HOMEZ: variants seen among roughly 807,000 people sequenced by gnomAD.
HOMEZ encodes homeobox and leucine zipper encoding.
Under a neutral mutation model 50.1 loss-of-function variants are expected in HOMEZ, and 20 were observed. The observed-to-expected ratio is 0.40, with a 90% CI of 0.28 to 0.58. The LOEUF is 0.58. Among genes scored for constraint, HOMEZ ranks in the 20% least tolerant of loss-of-function variants. The pLI is 0.46. For synonymous variants in HOMEZ, 239 were observed against 254.7 expected, an observed-to-expected ratio of 0.94 and a Z score of 0.59; for missense variants, 579 against 680.5, an observed-to-expected ratio of 0.85 and a Z score of 1.66.
chr14:23,272,646 A>G lies in HOMEZ; in HGVS notation c.*2929T>C, dbSNP rs954326958. The G allele has an allele frequency of 4.8e-6, 3 of 624,426 alleles. No individual in the cohort carries two copies. The highest frequency in any genetic ancestry group is 3.7e-5 in the African/African-American group (2 of 54,378). 38.7% of individuals were successfully genotyped at this position (624,426 alleles called of 1,614,324 possible). ...ACTGAAATGTTCCAGAGATTGTCAC[A>G]CTAGATGTAGCAAATCCTAGTTTGG... On this transcript the variant is annotated 3_prime_UTR_variant, in exon 2 of 2. Transcript: ENST00000357460.
At position 23,275,521 on chromosome 14, in the gene HOMEZ, T is replaced by C; in HGVS notation, c.*54A>G. The C allele has an allele frequency of 6.7e-7, 1 of 1,490,298 alleles. No individual in the cohort carries two copies. Among genetic ancestry groups the C allele is most frequent in the East Asian group, 2.5e-5 (1 of 40,480 alleles). 92.3% of individuals were successfully genotyped at this position (1,490,298 alleles called of 1,614,324 possible). A position where few individuals can be genotyped will look rare whatever the true frequency, so the allele number is the denominator to read the frequency against. On this transcript the variant is annotated 3_prime_UTR_variant, in exon 2 of 2. Coordinates refer to ENST00000357460, the MANE Select transcript of HOMEZ (RefSeq NM_020834.3). ...AAATGTGGTTTCTTTGTTTAAACAG[T>C]TACTAAGTTGGTTCATCTTTCAGTA... is the stretch of plus-strand genomic sequence containing the variant.
chr14:23,272,906 C>G lies in HOMEZ; in HGVS notation c.*2669G>C. On this transcript the variant is annotated 3_prime_UTR_variant, in exon 2 of 2. Transcript: ENST00000357460. ...CTTCTAGATAGATCATCTTCAAGAT[C>G]TGATCTATACATGCTGCTGAAGGAT... 1 of 1,454,432 alleles carries G rather than the reference C, an allele frequency of 6.9e-7. No individual in the cohort carries two copies. The highest frequency in any genetic ancestry group is 1.3e-5 in the South Asian group (1 of 79,134). 90.1% of individuals were successfully genotyped at this position (1,454,432 alleles called of 1,614,324 possible). A position where few individuals can be genotyped will look rare whatever the true frequency, so the allele number is the denominator to read the frequency against.
chr14:23,281,459 G>A (rs1312837650), intron 1 of HOMEZ, among the ~76,000 whole-genome samples: 2 of 152,132 alleles, frequency 1.3e-5, no homozygotes, highest in Non-Finnish European at 1.5e-5. Flanking sequence ...ACTTACATGA[G>A]CCTGGTTTCC....
Position 23,275,080 on chromosome 14 carries a change from G to A in HOMEZ, c.*495C>T, listed in dbSNP as rs1886311553. The A allele has an allele frequency of 6.5e-6, 1 of 154,046 alleles. No homozygotes were observed. The highest frequency in any genetic ancestry group is 6.5e-5 in the Admixed American group (1 of 15,318). 9.5% of individuals were successfully genotyped at this position (154,046 alleles called of 1,614,324 possible). ...ATCAGTTACTAAGAAAAAAGTAAGA[G>A]AGTCAGTTGCATTACGCACAGACTT... is the stretch of plus-strand genomic sequence containing the variant. On this transcript the variant is annotated 3_prime_UTR_variant, in exon 2 of 2. Transcript: ENST00000357460.
At position 23,276,486 on chromosome 14, in the gene HOMEZ, A is replaced by G. The variant is rs752343625; in HGVS notation, c.742T>C (p.Trp248Arg). 6.2e-7 allele frequency: 1 copy of G among 1,614,026 alleles called. No homozygotes were observed. Among genetic ancestry groups the G allele is most frequent in the East Asian group, 2.2e-5 (1 of 44,886 alleles). Residue 248 changes from tryptophan (W) to arginine (R), a missense_variant, in exon 2 of 2, where the codon TGG becomes CGG. Trp to Arg is a moderately radical substitution (Grantham distance 101). Transcript: ENST00000357460. This position sits in a 1 kb window ranked among gnomAD's most constrained non-coding sequence, Gnocchi z 4.1. ...NQSHGIGTAS[W>R]NHSTTVPQPQ... ...TGGGGGACGGTTGTGGAGTGGTTCC[A>G]GGAAGCAGTACCTATGCCATGTGAC... is the stretch of plus-strand genomic sequence containing the variant.
intron 1 of HOMEZ, among the ~76,000 whole-genome samples, chr14:23,281,799 A>AAAT (rs55828215): frequency 0.46 from 63,520 of 137,138 alleles, 15,768 homozygotes; most frequent in African/African-American, 0.66. Flanking sequence ...CTGTCTCTAC[A>AAAT]AATAATAATA....
intron 1 of HOMEZ, among the ~76,000 whole-genome samples, chr14:23,283,440 C>T (rs2095169533): frequency 6.6e-6 from 1 of 152,160 alleles, no homozygotes. Flanking sequence ...CAGTATAACA[C>T]CCTTCTTTCC....
chr14:23,277,757 A>C (rs1473147818), intron 1 of HOMEZ, among the ~76,000 whole-genome samples: 2 of 126,500 alleles, frequency 1.6e-5, no homozygotes, highest in African/African-American at 2.8e-5. Context: ...AAAAAAAAAA[A>C]TCTGTCTTTA....
At chr14:23,279,373 C>A (rs1886438369) in intron 1 of HOMEZ, among the ~76,000 whole-genome samples, 1 of 152,164 alleles carries the variant, frequency 6.6e-6, no homozygotes, top group African/African-American at 2.4e-5. Flanking sequence ...GTGGCCCCTG[C>A]CGCTGTCATT....
chr14:23,277,320 T>C (rs983186014), intron 1 of HOMEZ, 133 bp from the exon 2 acceptor site: 1 of 832,994 alleles, frequency 1.2e-6, no homozygotes. Context: ...GCTTTTTAAG[T>C]GCCTCAACAA....
chr14:23,286,130 G>A lies in HOMEZ; in HGVS notation c.-178C>T, dbSNP rs1166647323. On this transcript the variant is annotated 5_prime_UTR_variant, in exon 1 of 2. Coordinates refer to ENST00000357460, the MANE Select transcript of HOMEZ (RefSeq NM_020834.3). Reference sequence around the variant, plus strand: ...GCTCGAGCAAGTTGGAGGCGGGGCGGATGGGTGGGGTGGGCGTCCAGAGGC... The same window carrying A: ...GCTCGAGCAAGTTGGAGGCGGGGCGAATGGGTGGGGTGGGCGTCCAGAGGC... 3 of 1,226,580 alleles carry A rather than the reference G, an allele frequency of 2.4e-6. No homozygotes were observed. Among genetic ancestry groups the A allele is most frequent in the Non-Finnish European group, 3.0e-6 (3 of 984,172 alleles). 76.0% of individuals were successfully genotyped at this position (1,226,580 alleles called of 1,614,324 possible). A position where few individuals can be genotyped will look rare whatever the true frequency, so the allele number is the denominator to read the frequency against.
In HOMEZ at chr14:23,275,372, A is replaced by C; in HGVS notation, c.*203T>G. The C allele has an allele frequency of 3.2e-6, 2 of 622,330 alleles. No homozygotes were observed. The highest frequency in any genetic ancestry group is 5.4e-6 in the Non-Finnish European group (2 of 367,778). 38.6% of individuals were successfully genotyped at this position (622,330 alleles called of 1,614,324 possible). ...AGGTTAGAGGGTTGGATTTCTGCTG[A>C]TCCAATCCCAGCCTTACTTAGTGCC... On this transcript the variant is annotated 3_prime_UTR_variant, in exon 2 of 2. Coordinates refer to ENST00000357460, the MANE Select transcript of HOMEZ (RefSeq NM_020834.3).
chr14:23,280,710 T>TTTTTTTTTTATTTTATTTTA lies in HOMEZ; in HGVS notation c.41-3524_41-3523insTAAAATAAAATAAAAAAAAA, dbSNP rs1886498525. ...TTTTATTTTTATTTTTATATTTTTATTTTTATTTTATTTTATTTTATTTTA... is the reference window on the plus strand; with the variant it reads ...TTTTATTTTTATTTTTATATTTTTATTTTTTTTTTATTTTATTTTATTTTATTTTATTTTATTTTATTTTA... On this transcript the variant is annotated intron_variant, in intron 1 of 1. Transcript: ENST00000357460. Among the ~76,000 whole-genome samples, 3 of 62,102 alleles carry TTTTTTTTTTATTTTATTTTA rather than the reference T, an allele frequency of 4.8e-5. 1 individual carries two copies. Among genetic ancestry groups the TTTTTTTTTTATTTTATTTTA allele is most frequent in the Non-Finnish European group, 1.1e-4 (3 of 28,460 alleles). 40.7% of individuals were successfully genotyped at this position (62,102 alleles called of 152,430 possible). A position where few individuals can be genotyped will look rare whatever the true frequency, so the allele number is the denominator to read the frequency against.
chr14:23,280,758 ATTTTATTTTATT>A (rs1886526917), intron 1 of HOMEZ, among the ~76,000 whole-genome samples: 4 of 72,796 alleles, frequency 5.5e-5, no homozygotes, highest in Non-Finnish European at 1.3e-4. Context: ...ATTTTATTTT[ATTTTATTTTATT>A]TTATTTTATT....
chr14:23,280,711 T>TA (rs1555323554), intron 1 of HOMEZ, among the ~76,000 whole-genome samples: 4 of 34,376 alleles, frequency 1.2e-4, no homozygotes, highest in African/African-American at 2.5e-4. Flanking sequence ...ATATTTTTAT[T>TA]TTTATTTTAT....
chr14:23,276,455 T>G lies in HOMEZ; in HGVS notation c.773A>C (p.Gln258Pro), dbSNP rs772205830. The G allele has an allele frequency of 6.2e-7, 1 of 1,614,034 alleles. No homozygotes were observed. Among genetic ancestry groups the G allele is most frequent in the Non-Finnish European group, 8.5e-7 (1 of 1,179,892 alleles). ...WNHSTTVPQP[Q>P]ARDKPPPIAL... is the part of the protein sequence containing the mutation. ...AATTGGTGGGGGTTTATCCCGAGCTTGTGGCTGGGGGACGGTTGTGGAGTG... is the reference window on the plus strand; with the variant it reads ...AATTGGTGGGGGTTTATCCCGAGCTGGTGGCTGGGGGACGGTTGTGGAGTG... Residue 258 changes from glutamine to proline, a missense_variant, in exon 2 of 2, where the codon CAA (glutamine) becomes CCA (proline). Gln to Pro is a moderately conservative substitution (Grantham distance 76). Transcript: ENST00000357460. This position sits in a 1 kb window ranked among gnomAD's most constrained non-coding sequence, Gnocchi z 4.1.
intron 1 of HOMEZ, among the ~76,000 whole-genome samples, chr14:23,280,866 T>A (rs1024424557): frequency 6.6e-6 from 1 of 150,470 alleles, no homozygotes; most frequent in Non-Finnish European, 1.5e-5. Flanking sequence ...CTCCGCCTCC[T>A]GGGTTCAAGT....
rs1566451322 is a variant in HOMEZ at position 23,280,774 on chromosome 14, T to TTTTATTTTATTTTATTTTA, written c.41-3588_41-3587insTAAAATAAAATAAAATAAA. On this transcript the variant is annotated intron_variant, in intron 1 of 1. Transcript: ENST00000357460. ...TTTTATTTTATTTTATTTTATTTTA[T>TTTTATTTTATTTTATTTTA]TTTATTTTATTTTATTTGGAGACGG... 4.6e-5 allele frequency among the ~76,000 whole-genome samples: 6 copies of TTTTATTTTATTTTATTTTA among 131,778 alleles called. No individual in the cohort carries two copies. The South Asian group carries it at 1.0e-3, about 22-fold the overall frequency. The allele number at this position is 131,778 out of a possible 152,430, so 86.5% of individuals were successfully genotyped here.
chr14:23,280,768 ATTTTATT>A (rs1886530631), intron 1 of HOMEZ, among the ~76,000 whole-genome samples: 2 of 93,720 alleles, frequency 2.1e-5, no homozygotes, highest in Non-Finnish European at 4.7e-5. Flanking sequence ...ATTTTATTTT[ATTTTATT>A]TTATTTTATT....
Sources: gnomAD v4.1 joint callset for allele counts (sites outside exome capture counted in the v4.1 genomes callset) on GRCh38, gnomAD v4.1.1 for gene constraint, Gnocchi (gnomAD v3.1) non-coding constraint, MANE v1.5 for transcripts, NCBI Gene and HGNC (gene_info 2026-07-23, HGNC 2026-07-21) for gene names.